APP: variants seen among roughly 807,000 people sequenced by gnomAD.
APP encodes the protein amyloid beta precursor protein, also known as amyloid-beta precursor protein.
A neutral mutation model predicts 101.4 loss-of-function variants in APP; 31 were observed. That is an observed-to-expected ratio of 0.31 (90% CI 0.23 to 0.41). The LOEUF is 0.41. Among genes scored for constraint, APP ranks in the 10% least tolerant of loss-of-function variants. The pLI is 1.00. For synonymous variants in APP, 366 were observed against 364.4 expected, an observed-to-expected ratio of 1.00 and a Z score of -0.05; for missense variants, 839 against 1,003.7, an observed-to-expected ratio of 0.84 and a Z score of 2.22.
chr21:25,931,684 G>A (rs1005233849), intron 13 of APP, among the ~76,000 whole-genome samples: 5 of 152,148 alleles, frequency 3.3e-5, no homozygotes, highest in African/African-American at 4.8e-5. Context: ...TTTTGGTGGC[G>A]GTATTTGGGA....
At chr21:25,903,262 G>C (rs2038603592) in intron 15 of APP, among the ~76,000 whole-genome samples, 1 of 151,240 alleles carries the variant, frequency 6.6e-6, no homozygotes, top group Admixed American at 6.6e-5. Flanking sequence ...CCAGCTACTT[G>C]AGAGGCTGGG....
chr21:26,018,326 C>G (rs1180174970), intron 6 of APP, among the ~76,000 whole-genome samples: 1 of 152,168 alleles, frequency 6.6e-6, no homozygotes, highest in East Asian at 1.9e-4. Context: ...GATTGTAAGC[C>G]TCCCTGCAGT....
intron 3 of APP, among the ~76,000 whole-genome samples, chr21:26,084,227 ATTTTTTTTTTTTTT>A (rs869179482): frequency 6.0e-5 from 5 of 83,062 alleles, no homozygotes; most frequent in African/African-American, 2.0e-4. Context: ...GAAGGGCTCC[ATTTTTTTTTTTTTT>A]TTTTTTTTTT....
At chr21:25,929,040 A>G (rs1383042412) in intron 13 of APP, 1 of 152,142 alleles carries the variant, frequency 6.6e-6, no homozygotes, top group Non-Finnish European at 1.5e-5. Flanking sequence ...TATCTTTTAA[A>G]CATAAGTCAA....
At chr21:26,111,567 C>G (rs1261406029) in intron 2 of APP, among the ~76,000 whole-genome samples, 1 of 151,420 alleles carries the variant, frequency 6.6e-6, no homozygotes, top group Non-Finnish European at 1.5e-5. Context: ...GAGACCCCAT[C>G]TCTACTAAAA....
Position 25,881,612 on chromosome 21 carries a change from G to A in APP, c.*58C>T, listed in dbSNP as rs1471820634. ...CCACATTATTCTATAAATGGACACC[G>A]ATGGGTAGTGAAGCAATGGTTTTGC... On this transcript the variant is annotated 3_prime_UTR_variant, in exon 18 of 18. Transcript: ENST00000346798. 5 of 1,536,258 alleles carry A rather than the reference G, an allele frequency of 3.3e-6. No homozygotes were observed. Among genetic ancestry groups the A allele is most frequent in the South Asian group, 1.1e-5 (1 of 89,506 alleles).
At chr21:26,149,748 C>A (rs953154389) in intron 1 of APP, among the ~76,000 whole-genome samples, 3 of 152,080 alleles carry the variant, frequency 2.0e-5, no homozygotes, top group African/African-American at 7.2e-5. Flanking sequence ...CATTCTTTTC[C>A]AAGAAGGGAG....
chr21:26,133,332 A>G (rs2062832769), intron 1 of APP, among the ~76,000 whole-genome samples: 1 of 152,174 alleles, frequency 6.6e-6, no homozygotes, highest in South Asian at 2.1e-4. Flanking sequence ...TTATTAACAC[A>G]CTTGCCAATA....
chr21:26,123,436 C>A (rs1601520187), intron 1 of APP, among the ~76,000 whole-genome samples: 1 of 152,306 alleles, frequency 6.6e-6, no homozygotes. Context: ...GCCAAGATTA[C>A]TTCTTTTCCT....
intron 1 of APP, among the ~76,000 whole-genome samples, chr21:26,143,599 C>T (rs143347158): frequency 5.2e-4 from 79 of 152,230 alleles, no homozygotes; most frequent in African/African-American, 1.7e-3. Flanking sequence ...CTCTCGCAGA[C>T]GTTTTCAAGT....
chr21:25,908,246 C>G (rs957807351), intron 14 of APP, among the ~76,000 whole-genome samples: 2 of 152,172 alleles, frequency 1.3e-5, no homozygotes, highest in East Asian at 3.9e-4. Context: ...ATGTGAAAAC[C>G]AAAGAATAAA....
At chr21:25,914,593 G>C (rs574440569) in intron 13 of APP, among the ~76,000 whole-genome samples, 7 of 128,798 alleles carry the variant, frequency 5.4e-5, no homozygotes, top group Admixed American at 9.5e-5. Context: ...TTGCTCTGTC[G>C]CCCAGGCTGG....
At chr21:26,082,758 A>G (rs1242203264) in intron 3 of APP, among the ~76,000 whole-genome samples, 1 of 152,120 alleles carries the variant, frequency 6.6e-6, no homozygotes, top group Admixed American at 6.6e-5. Context: ...CATCCCCTTC[A>G]GGCCCACTAT....
intron 1 of APP, among the ~76,000 whole-genome samples, chr21:26,147,519 G>A (rs1170005869): frequency 6.6e-6 from 1 of 151,998 alleles, no homozygotes; most frequent in Non-Finnish European, 1.5e-5. Flanking sequence ...GAAGCCCAGT[G>A]TTTTAAATAT....
chr21:26,115,823 T>G (rs2062422994), intron 1 of APP, among the ~76,000 whole-genome samples: 1 of 152,200 alleles, frequency 6.6e-6, no homozygotes, highest in African/African-American at 2.4e-5. Context: ...TATTCCTAAT[T>G]TTTTAAACAT....
Position 25,917,261 on chromosome 21 carries a change from C to CAA in APP, c.1688-5301_1688-5300dup, listed in dbSNP as rs397867177. 1.4e-3 allele frequency among the ~76,000 whole-genome samples: 92 copies of CAA among 64,522 alleles called. 1 individual carries two copies. The highest frequency in any genetic ancestry group is 4.2e-3 in the East Asian group (8 of 1,900). 42.3% of individuals were successfully genotyped at this position (64,522 alleles called of 152,430 possible). A position where few individuals can be genotyped will look rare whatever the true frequency, so the allele number is the denominator to read the frequency against. ...AGGCAACCGAGTAAGACTCTGTCTCCAAAAAAAAAAAAAAAAAAAATGCTT... is the reference window on the plus strand; with the variant it reads ...AGGCAACCGAGTAAGACTCTGTCTCCAAAAAAAAAAAAAAAAAAAAAATGCTT... On this transcript the variant is annotated intron_variant, in intron 13 of 17. Coordinates refer to ENST00000346798, the MANE Select transcript of APP (RefSeq NM_000484.4).
At chr21:25,976,804 A>G (rs1464814339) in intron 9 of APP, among the ~76,000 whole-genome samples, 1 of 152,214 alleles carries the variant, frequency 6.6e-6, no homozygotes, top group Admixed American at 6.5e-5. Flanking sequence ...GTTGAGGGGT[A>G]AGTCCTGTAA....
intron 11 of APP, among the ~76,000 whole-genome samples, chr21:25,962,177 C>T (rs746967252): frequency 1.1e-4 from 16 of 152,108 alleles, no homozygotes; most frequent in Non-Finnish European, 1.9e-4. Context: ...ACTGATGTGA[C>T]ATTTTTTAAT....
chr21:25,894,265 G>A (rs931470733), intron 16 of APP, among the ~76,000 whole-genome samples: 2 of 152,196 alleles, frequency 1.3e-5, no homozygotes, highest in Non-Finnish European at 2.9e-5. Context: ...CCATTCTGCA[G>A]CCTGTGGATC....
Sources: gnomAD v4.1 joint callset for allele counts (sites outside exome capture counted in the v4.1 genomes callset) on GRCh38, gnomAD v4.1.1 for gene constraint, MANE v1.5 for transcripts, NCBI Gene and HGNC (gene_info 2026-07-23, HGNC 2026-07-21) for gene names.